CAPN13: variants seen among roughly 807,000 people sequenced by gnomAD.
The protein encoded by CAPN13 is calpain 13, also known as calpain-13.
CAPN13 carries 90 observed loss-of-function variants against 98.4 expected under a neutral mutation model. The observed-to-expected ratio is 0.92, with a 90% confidence interval of 0.77 to 1.09. CAPN13 has a LOEUF of 1.09. Among genes scored for constraint, CAPN13 ranks in the 50% least tolerant of loss-of-function variants. CAPN13 has a pLI of 0.00. For synonymous variants in CAPN13, 330 were observed against 305.5 expected, an observed-to-expected ratio of 1.08 and a Z score of -0.84; for missense variants, 887 against 841.3, an observed-to-expected ratio of 1.05 and a Z score of -0.67.
At chr2:30,724,627 C>A (rs1353753860) in intron 22 of CAPN13, among the ~76,000 whole-genome samples, 1 of 152,212 alleles carries the variant, frequency 6.6e-6, no homozygotes, top group Non-Finnish European at 1.5e-5. Context: ...CTCCAGAAGG[C>A]TGGACACCCT....
intron 1 of CAPN13, among the ~76,000 whole-genome samples, chr2:30,800,974 T>C (rs572998440): frequency 2.0e-5 from 3 of 152,322 alleles, no homozygotes; most frequent in East Asian, 3.9e-4. Context: ...TCTTTTTTCA[T>C]CCTTGAAGGA....
At chr2:30,771,131 A>G (rs1023291886) in intron 4 of CAPN13, among the ~76,000 whole-genome samples, 1 of 152,248 alleles carries the variant, frequency 6.6e-6, no homozygotes, top group African/African-American at 2.4e-5. Context: ...TTCCTCTCCA[A>G]AACAGACTGT....
At chr2:30,745,478 G>C (rs1026677634) in intron 12 of CAPN13, among the ~76,000 whole-genome samples, 1 of 152,220 alleles carries the variant, frequency 6.6e-6, no homozygotes, top group Non-Finnish European at 1.5e-5. Context: ...CGGGCCTGAG[G>C]ATGGTTTCAC....
At chr2:30,750,512 G>C (rs1428117308) in intron 11 of CAPN13, among the ~76,000 whole-genome samples, 1 of 152,020 alleles carries the variant, frequency 6.6e-6, no homozygotes, top group African/African-American at 2.4e-5. Flanking sequence ...AAGGAAACCT[G>C]GCCTCAGGGT....
intron 15 of CAPN13, among the ~76,000 whole-genome samples, chr2:30,738,977 C>T (rs1027725321): frequency 2.8e-4 from 43 of 152,084 alleles, no homozygotes; most frequent in African/African-American, 9.4e-4. Context: ...GAGCACATTA[C>T]GTAGCATTAA....
chr2:30,732,479 G>C lies in CAPN13; in HGVS notation c.1886C>G (p.Pro629Arg). Reference protein sequence around the residue: ...YSDSVGRVSFPSLVCFLMRLE... With the variant: ...YSDSVGRVSFRSLVCFLMRLE... ...CCGCATCAGGAAGCAGACCAGGCTG[G>C]GGAAGCTGACCCTGCCGACGCTGTC... Residue 629 changes from proline to arginine, a missense_variant, in exon 20 of 23, where the codon CCC (proline) becomes CGC (arginine). Coordinates refer to ENST00000295055, the MANE Select transcript of CAPN13 (RefSeq NM_144575.3). The C allele has an allele frequency of 6.2e-7, 1 of 1,613,548 alleles. No individual in the cohort carries two copies. The highest frequency in any genetic ancestry group is 8.5e-7 in the Non-Finnish European group (1 of 1,179,754).
intron 5 of CAPN13, among the ~76,000 whole-genome samples, chr2:30,766,173 G>A (rs140560549): frequency 7.7e-4 from 117 of 152,298 alleles, no homozygotes; most frequent in African/African-American, 2.6e-3. Flanking sequence ...CGCTCAGGGC[G>A]CCTTTCCTGG....
chr2:30,748,564 G>C (rs1313205778), intron 11 of CAPN13, among the ~76,000 whole-genome samples: 2 of 152,046 alleles, frequency 1.3e-5, no homozygotes, highest in African/African-American at 2.4e-5. Flanking sequence ...TGAGGGGTGA[G>C]GGGGAGATGA....
chr2:30,767,577 G>A (rs560428085), intron 5 of CAPN13, among the ~76,000 whole-genome samples: 1 of 152,288 alleles, frequency 6.6e-6, no homozygotes, highest in South Asian at 2.1e-4. Context: ...AAAGATAATG[G>A]CAGTGTTTTC....
At chr2:30,743,604 T>G in intron 12 of CAPN13, 25 bp from the exon 13 acceptor site, 1 of 1,611,998 alleles carries the variant, frequency 6.2e-7, no homozygotes, top group Non-Finnish European at 8.5e-7. Context: ...AACACAATGA[T>G]TGTGAGAAAG....
At chr2:30,780,894 T>G (rs1673953637) in intron 2 of CAPN13, among the ~76,000 whole-genome samples, 1 of 152,176 alleles carries the variant, frequency 6.6e-6, no homozygotes, top group Non-Finnish European at 1.5e-5. Context: ...TGGGAAAATG[T>G]GAATGTGCTG....
rs1431861420 is a variant in CAPN13, at chr2:30,741,895, C to G, written c.1536+13G>C. On this transcript the variant is annotated intron_variant, in intron 15 of 22. Transcript: ENST00000295055. The stretch of plus-strand genomic sequence containing the variant: ...CAATCCCACGTAAGGCCCCTGGGTG[C>G]TAGGTACCATACCTGCTGAGCATAT... The G allele has an allele frequency of 2.5e-6, 4 of 1,613,928 alleles. No individual in the cohort carries two copies. In the East Asian group the frequency reaches 8.9e-5, roughly 36 times the overall value.
At chr2:30,755,836 T>C (rs1290466450) in intron 8 of CAPN13, among the ~76,000 whole-genome samples, 1 of 152,184 alleles carries the variant, frequency 6.6e-6, no homozygotes. Context: ...TGAGGGAGAA[T>C]AAATGTAGTG....
chr2:30,751,111 C>G lies in CAPN13; in HGVS notation c.1228G>C (p.Val410Leu), dbSNP rs375975478. ...EDAKFPLDFQ[V>L]ILAGSQRFRE... ...GAAGCAGGCTGCCTTACCAGAATCA[C>G]TTGGAAATCGAGTGGAAATTTTGCA... The change falls in exon 11 of 23, where the codon GTG becomes CTG. Residue 410 changes from valine to leucine, a missense_variant. Transcript: ENST00000295055. The G allele has an allele frequency of 6.2e-7, 1 of 1,613,492 alleles. No individual in the cohort carries two copies. Among genetic ancestry groups the G allele is most frequent in the African/African-American group, 1.3e-5 (1 of 74,924 alleles).
At chr2:30,766,928 T>C (rs1319703576) in intron 5 of CAPN13, among the ~76,000 whole-genome samples, 3 of 152,230 alleles carry the variant, frequency 2.0e-5, no homozygotes, top group Admixed American at 2.0e-4. Context: ...CACTGGGCTG[T>C]TGCCTGCACC....
intron 4 of CAPN13, among the ~76,000 whole-genome samples, chr2:30,770,729 CTT>C (rs1354941765): frequency 1.3e-5 from 2 of 152,250 alleles, no homozygotes; most frequent in Non-Finnish European, 2.9e-5. Flanking sequence ...CGTTGCCTCT[CTT>C]TGGCAAGTCC....
chr2:30,785,507 T>C (rs887304499), intron 2 of CAPN13, among the ~76,000 whole-genome samples: 1 of 151,488 alleles, frequency 6.6e-6, no homozygotes, highest in African/African-American at 2.4e-5. Flanking sequence ...ATGAGGAGAG[T>C]AGTAATGGGA....
Position 30,753,200 on chromosome 2 carries a change from T to C in CAPN13, c.942-2A>G. 1 of 1,613,984 alleles carries C rather than the reference T, an allele frequency of 6.2e-7. No homozygotes were observed. Among genetic ancestry groups the C allele is most frequent in the Non-Finnish European group, 8.5e-7 (1 of 1,179,852 alleles). ...TGTTGGAAATCTTGACACGACATCC[T>C]GTTAAAAACAGATATACATCACTCA... On this transcript the variant is annotated splice_acceptor_variant, in intron 9 of 22. Coordinates refer to ENST00000295055, the MANE Select transcript of CAPN13 (RefSeq NM_144575.3). LOFTEE classifies it high-confidence loss of function.
At chr2:30,743,651 C>T in intron 12 of CAPN13, 72 bp from the exon 13 acceptor site, 3 of 1,323,946 alleles carry the variant, frequency 2.3e-6, no homozygotes, top group Admixed American at 3.5e-5. Context: ...CCAAGAAAGA[C>T]CCACCACCTT....
Sources: gnomAD v4.1 joint callset for allele counts (sites outside exome capture counted in the v4.1 genomes callset) on GRCh38, gnomAD v4.1.1 for gene constraint, MANE v1.5 for transcripts, NCBI Gene and HGNC (gene_info 2026-07-23, HGNC 2026-07-21) for gene names.